NADK2: variants seen among roughly 807,000 people sequenced by gnomAD.
The protein encoded by NADK2 is NAD kinase domain-containing protein 1, mitochondrial.
A neutral mutation model predicts 62.1 loss-of-function variants in NADK2; 35 were observed. The ratio of observed to expected loss-of-function variants is 0.56; its 90% confidence interval spans 0.43 to 0.75. The LOEUF (loss-of-function observed/expected upper bound fraction) is 0.75, where lower values mean the gene tolerates loss of function less well. Ranked by LOEUF, NADK2 falls within the 30% of genes least tolerant of loss-of-function variation. The probability of loss-of-function intolerance (pLI) is 0.00; values close to 1 mark genes in which losing one functional copy is unlikely to be tolerated. For synonymous variants in NADK2, 205 were observed against 207.9 expected, an observed-to-expected ratio of 0.99 and a Z score of 0.12; for missense variants, 439 against 561.3, an observed-to-expected ratio of 0.78 and a Z score of 2.20.
intron 8 of NADK2, among the ~76,000 whole-genome samples, chr5:36,204,894 G>A (rs1464444750): frequency 6.6e-6 from 1 of 151,860 alleles, no homozygotes; most frequent in South Asian, 2.1e-4. Context: ...GGTATGTGGG[G>A]ATTCATTACA....
chr5:36,237,199 A>G (rs1747941945), intron 1 of NADK2, among the ~76,000 whole-genome samples: 1 of 152,224 alleles, frequency 6.6e-6, no homozygotes, highest in African/African-American at 2.4e-5. Flanking sequence ...ATTTACATGC[A>G]TATAAACACA....
In NADK2 at chr5:36,217,772, T is replaced by C. The variant is rs1181786119; in HGVS notation, c.757A>G (p.Asn253Asp). Residue 253 changes from asparagine to aspartate, a missense_variant, in exon 6 of 12, where the codon AAC becomes GAC. By Grantham distance (23) the Asn-to-Asp change is conservative. Transcript: ENST00000381937. ...LSLNQHNRAL[N>D]IERAHDERSE... ...CTTTCATCATGAGCTCTTTCAATGT[T>C]AAGGGCTCTATTGTGCTGATTCAAG... 1 of 1,613,894 alleles carries C rather than the reference T, an allele frequency of 6.2e-7. No individual in the cohort carries two copies. Among genetic ancestry groups the C allele is most frequent in the Admixed American group, 1.7e-5 (1 of 60,012 alleles).
intron 6 of NADK2, among the ~76,000 whole-genome samples, chr5:36,214,381 T>A (rs367745538): frequency 7.2e-5 from 11 of 152,194 alleles, no homozygotes; most frequent in Admixed American, 7.2e-4. Flanking sequence ...GGTTTTACCA[T>A]GTTGGTCAGG....
rs6891700 is a variant in NADK2 at position 36,241,541 on chromosome 5, C to A, written c.258G>T (p.Arg86=). The change falls in exon 1 of 12, where the codon CGG becomes CGT. Residue 86 remains arginine, a synonymous_variant. Coordinates refer to ENST00000381937, the MANE Select transcript of NADK2 (RefSeq NM_001085411.3). This position sits in a 1 kb window ranked among gnomAD's most constrained non-coding sequence, Gnocchi z 4.9. The part of the protein sequence containing the change: ...KTTRYEFEQQ[R]YRYAELSEED... The stretch of plus-strand genomic sequence containing the variant: ...CCTCCGAGAGCTCCGCGTAACGGTA[C>A]CGCTGCTGCTCGAACTCGTACCGGG... The A allele has an allele frequency of 6.4e-7, 1 of 1,569,316 alleles. No individual in the cohort carries two copies. Among genetic ancestry groups the A allele is most frequent in the South Asian group, 1.1e-5 (1 of 87,662 alleles).
At chr5:36,213,618 C>CACATATATATATATATATATATAT (rs1554008780) in intron 6 of NADK2, among the ~76,000 whole-genome samples, 1 of 107,536 alleles carries the variant, frequency 9.3e-6, no homozygotes, top group Non-Finnish European at 2.0e-5. Context: ...TATATGCATG[C>CACATATATATATATATATATATAT]ATATATATAT....
At chr5:36,211,478 C>A (rs1224751682) in intron 7 of NADK2, among the ~76,000 whole-genome samples, 1 of 151,564 alleles carries the variant, frequency 6.6e-6, no homozygotes, top group Non-Finnish European at 1.5e-5. Context: ...TTGCTTGAAC[C>A]TGGGAGGCAG....
chr5:36,201,812 G>T (rs1579599056), intron 8 of NADK2, among the ~76,000 whole-genome samples: 1 of 151,830 alleles, frequency 6.6e-6, no homozygotes, highest in East Asian at 1.9e-4. Context: ...TTTCCTTGAA[G>T]GTAAGAAATC....
At chr5:36,241,999 G>A (rs1435289535), upstream of NADK2, 1 of 289,012 alleles carries the variant, frequency 3.5e-6, no homozygotes, top group Non-Finnish European at 6.0e-6. The surrounding 1 kb of genome is among the most constrained non-coding windows in gnomAD (Gnocchi z 4.9). Context: ...CGTGGCGATT[G>A]GGAAACGGGA....
chr5:36,224,098 T>C (rs545313897), intron 4 of NADK2, among the ~76,000 whole-genome samples: 2 of 151,204 alleles, frequency 1.3e-5, no homozygotes, highest in Admixed American at 1.3e-4. Context: ...CCACAGAGAA[T>C]GGGGAAGAGA....
At position 36,195,292 on chromosome 5, in the gene NADK2, A is replaced by C; in HGVS notation, c.1191-10T>G. The C allele has an allele frequency of 8.1e-6, 13 of 1,597,340 alleles. No homozygotes were observed. Among genetic ancestry groups the C allele is most frequent in the Non-Finnish European group, 1.1e-5 (13 of 1,174,500 alleles). Reference sequence around the variant, plus strand: ...AGAACGAACACAAACCCTAGGCAGAAGGAAATATCTCATTAAATAGTAATA... The same window carrying C: ...AGAACGAACACAAACCCTAGGCAGACGGAAATATCTCATTAAATAGTAATA... On this transcript the variant is annotated splice_polypyrimidine_tract_variant and intron_variant, in intron 11 of 11. Transcript: ENST00000381937.
At chr5:36,240,696 A>T (rs1194515426) in intron 1 of NADK2, among the ~76,000 whole-genome samples, 2 of 152,178 alleles carry the variant, frequency 1.3e-5, no homozygotes, top group African/African-American at 4.8e-5. Flanking sequence ...TTGGATTTGT[A>T]TCTTTGCAGA....
At chr5:36,202,863 TACAAGA>T (rs1290695719) in intron 8 of NADK2, among the ~76,000 whole-genome samples, 1 of 152,070 alleles carries the variant, frequency 6.6e-6, no homozygotes, top group African/African-American at 2.4e-5. Context: ...CTGCAGACTT[TACAAGA>T]ACAAGAAATA....
intron 11 of NADK2, among the ~76,000 whole-genome samples, chr5:36,197,067 C>T (rs1371859951): frequency 6.6e-6 from 1 of 151,956 alleles, no homozygotes; most frequent in Non-Finnish European, 1.5e-5. Context: ...TATCCTCTCT[C>T]CCCAAAAATA....
intron 8 of NADK2, among the ~76,000 whole-genome samples, chr5:36,201,652 T>C (rs1746451857): frequency 6.6e-6 from 1 of 152,016 alleles, no homozygotes; most frequent in South Asian, 2.1e-4. Flanking sequence ...ATAGTGTATA[T>C]GTTGTTTCAT....
chr5:36,201,103 C>T lies in NADK2; in HGVS notation c.1012+3G>A, dbSNP rs767877637. On this transcript the variant is annotated splice_donor_region_variant and intron_variant, in intron 9 of 11. Coordinates refer to ENST00000381937, the MANE Select transcript of NADK2 (RefSeq NM_001085411.3). ...CTACTCCAATAGCTGTTTTGGTACT[C>T]ACCAATATTTAAAACATCTTCTACA... The T allele has an allele frequency of 5.6e-6, 9 of 1,612,030 alleles. No individual in the cohort carries two copies. The highest frequency in any genetic ancestry group is 2.7e-5 in the African/African-American group (2 of 74,814).
Position 36,195,070 on chromosome 5 carries a change from C to A in NADK2, c.*74G>T. On this transcript the variant is annotated 3_prime_UTR_variant, in exon 12 of 12. Coordinates refer to ENST00000381937, the MANE Select transcript of NADK2 (RefSeq NM_001085411.3). ...TCTCAACAATAACCAAAAAATGTCA[C>A]TTTACGACTGGTAGTCTGTTTCTGA... is the stretch of plus-strand genomic sequence containing the variant. 1 of 1,517,470 alleles carries A rather than the reference C, an allele frequency of 6.6e-7. No homozygotes were observed. Among genetic ancestry groups the A allele is most frequent in the Non-Finnish European group, 8.9e-7 (1 of 1,129,758 alleles). 94.0% of individuals were successfully genotyped at this position (1,517,470 alleles called of 1,614,324 possible). A position where few individuals can be genotyped will look rare whatever the true frequency, so the allele number is the denominator to read the frequency against.
chr5:36,222,661 A>G (rs900490153), intron 4 of NADK2, among the ~76,000 whole-genome samples: 4 of 152,352 alleles, frequency 2.6e-5, no homozygotes, highest in South Asian at 2.1e-4. Flanking sequence ...TTAGATCTGC[A>G]CTTTAGAAAG....
chr5:36,196,991 G>C (rs1039307856), intron 11 of NADK2, among the ~76,000 whole-genome samples: 1 of 151,882 alleles, frequency 6.6e-6, no homozygotes, highest in African/African-American at 2.4e-5. Flanking sequence ...CCGAATTTTA[G>C]ATTTTCTTGT....
In NADK2 at chr5:36,241,656, C is replaced by CCG. The variant is rs1160229935; in HGVS notation, c.142_143insCG (p.Gly48AlafsTer51). On this transcript the variant is annotated frameshift_variant, in exon 1 of 12. Coordinates refer to ENST00000381937, the MANE Select transcript of NADK2 (RefSeq NM_001085411.3). LOFTEE classifies it high-confidence loss of function. This position sits in a 1 kb window ranked among gnomAD's most constrained non-coding sequence, Gnocchi z 4.9. ...CGCCAGCTCGCGCGGCTGCCCCTGC[C>CCG]CCAGGTGCCGCCGGCCGCCACCGTC... The CCG allele has an allele frequency of 7.9e-7, 1 of 1,262,890 alleles. No homozygotes were observed. Among genetic ancestry groups the CCG allele is most frequent in the African/African-American group, 1.6e-5 (1 of 63,748 alleles). The allele number at this position is 1,262,890 out of a possible 1,614,324, so 78.2% of individuals were successfully genotyped here.
Sources: allele counts gnomAD v4.1 joint callset (sites outside exome capture counted in the v4.1 genomes callset), GRCh38; gene constraint gnomAD v4.1.1; non-coding constraint Gnocchi (gnomAD v3.1); transcripts MANE v1.5; gene names NCBI Gene and HGNC (gene_info 2026-07-23, HGNC 2026-07-21).